Variants in ANKS1B observed in about 807,000 individuals in gnomAD.
ANKS1B encodes the protein ankyrin repeat and sterile alpha motif domain containing 1B, also known as ankyrin repeat and sterile alpha motif domain-containing protein 1B.
In ANKS1B, 36 loss-of-function variants were observed where a neutral mutation model predicts 148.3. The ratio of observed to expected loss-of-function variants is 0.24; its 90% CI spans 0.19 to 0.32. The LOEUF is 0.32. Among genes scored for constraint, ANKS1B ranks in the 10% least tolerant of loss-of-function variants. The pLI, the probability that ANKS1B is intolerant of heterozygous loss-of-function variation, is 1.00. For synonymous variants in ANKS1B, 542 were observed against 560.8 expected (o/e 0.97, Z 0.47); for missense variants, 1,157 against 1,542.6 (o/e 0.75, Z 4.19).
At chr12:99,602,452 T>C (rs1471292953) in intron 9 of ANKS1B, among the ~76,000 whole-genome samples, 1 of 152,096 alleles carries the variant, frequency 6.6e-6, no homozygotes, top group Admixed American at 6.6e-5. Flanking sequence ...AAGGTAATGT[T>C]TGAAGTAATC....
chr12:98,861,051 GAA>G (rs2099596799), intron 17 of ANKS1B, among the ~76,000 whole-genome samples: 1 of 152,126 alleles, frequency 6.6e-6, no homozygotes, highest in African/African-American at 2.4e-5. Context: ...GTGGTAAAAT[GAA>G]AGACTCAAAA....
intron 9 of ANKS1B, among the ~76,000 whole-genome samples, chr12:99,533,699 T>C (rs1234541740): frequency 1.3e-5 from 2 of 152,178 alleles, no homozygotes; most frequent in Non-Finnish European, 2.9e-5. Flanking sequence ...CATTTTGAGG[T>C]ATTTTAGCTA....
chr12:99,140,108 AG>A (rs2070092355), intron 15 of ANKS1B, among the ~76,000 whole-genome samples: 1 of 152,202 alleles, frequency 6.6e-6, no homozygotes, highest in Non-Finnish European at 1.5e-5. Flanking sequence ...TTGGTAGTTA[AG>A]GGAACATTTT....
intron 15 of ANKS1B, among the ~76,000 whole-genome samples, chr12:99,153,291 A>G (rs1232152188): frequency 1.3e-5 from 2 of 152,172 alleles, no homozygotes; most frequent in East Asian, 3.8e-4. Flanking sequence ...TGGTACTAGT[A>G]AGCTGCAGGT....
intron 14 of ANKS1B, among the ~76,000 whole-genome samples, chr12:99,189,644 C>T (rs988789000): frequency 3.9e-5 from 6 of 152,134 alleles, no homozygotes; most frequent in African/African-American, 1.4e-4. Flanking sequence ...AATTCAACAG[C>T]CCTTCATCTA....
chr12:98,879,130 T>C (rs2099699784), intron 17 of ANKS1B, among the ~76,000 whole-genome samples: 1 of 152,216 alleles, frequency 6.6e-6, no homozygotes, highest in African/African-American at 2.4e-5. Context: ...TTTGGAAGCA[T>C]TGTGCTTATG....
intron 2 of ANKS1B, among the ~76,000 whole-genome samples, chr12:99,824,626 G>A (rs992795801): frequency 4.6e-5 from 7 of 151,952 alleles, no homozygotes; most frequent in African/African-American, 1.5e-4. Flanking sequence ...CTGTAGGGGA[G>A]GACAGAACAT....
chr12:98,888,772 C>T lies in ANKS1B; in HGVS notation c.2779-56636G>A, dbSNP rs76204063. 7.5e-3 allele frequency among the ~76,000 whole-genome samples: 1,137 copies of T among 152,332 alleles called. 2 individuals are homozygous for T. Among genetic ancestry groups the T allele is most frequent in the Non-Finnish European group, 0.013 (868 of 68,032 alleles). On this transcript the variant is annotated intron_variant, in intron 17 of 26. Coordinates refer to ENST00000683438, the MANE Select transcript of ANKS1B (RefSeq NM_001352186.2). ...CCCCCAAATTTTCTAATTTCTCCCT[C>T]CATCTCCCTCTCCAGTGCTTCACCC...
At chr12:99,962,748 G>T (rs1455601497) in intron 1 of ANKS1B, among the ~76,000 whole-genome samples, 1 of 151,550 alleles carries the variant, frequency 6.6e-6, no homozygotes, top group Non-Finnish European at 1.5e-5. Flanking sequence ...ATTCTGACTG[G>T]CATGAGATGG....
chr12:99,873,953 T>A (rs1180041500), intron 1 of ANKS1B, among the ~76,000 whole-genome samples: 4 of 151,446 alleles, frequency 2.6e-5, no homozygotes, highest in Non-Finnish European at 5.9e-5. Flanking sequence ...GATTTTGGAC[T>A]TGCCAAATCT....
chr12:99,721,790 C>T (rs1186790759), intron 8 of ANKS1B, among the ~76,000 whole-genome samples: 1 of 152,218 alleles, frequency 6.6e-6, no homozygotes, highest in Admixed American at 6.5e-5. Context: ...ACCTAGGCCT[C>T]ATGTGCCAAA....
chr12:99,433,115 A>G (rs2095406114), intron 11 of ANKS1B, among the ~76,000 whole-genome samples: 1 of 152,226 alleles, frequency 6.6e-6, no homozygotes, highest in South Asian at 2.1e-4. Context: ...CAATAGTGAC[A>G]GATGACAGAT....
intron 16 of ANKS1B, among the ~76,000 whole-genome samples, chr12:99,063,167 C>T (rs749629751): frequency 3.3e-5 from 5 of 152,270 alleles, no homozygotes; most frequent in African/African-American, 2.4e-5. Flanking sequence ...TGCCGTGGAC[C>T]GTGGCTTCTC....
intron 22 of ANKS1B, chr12:98,794,690 T>A: frequency 1.1e-6 from 1 of 937,420 alleles, no homozygotes; most frequent in Non-Finnish European, 1.8e-6. Context: ...GGATAATTCA[T>A]TTGAATTTGA....
chr12:99,333,791 C>T (rs2088071936), intron 12 of ANKS1B, among the ~76,000 whole-genome samples: 1 of 149,712 alleles, frequency 6.7e-6, no homozygotes, highest in South Asian at 2.1e-4. Flanking sequence ...ATTTTTTTCA[C>T]TTAGAAGCAC....
intron 1 of ANKS1B, among the ~76,000 whole-genome samples, chr12:99,907,254 C>T (rs2093817271): frequency 6.6e-6 from 1 of 152,102 alleles, no homozygotes; most frequent in African/African-American, 2.4e-5. Flanking sequence ...TTCCCCCAGG[C>T]ATAAAATTTT....
chr12:99,531,222 A>G (rs187482938), intron 9 of ANKS1B, among the ~76,000 whole-genome samples: 1 of 152,298 alleles, frequency 6.6e-6, no homozygotes, highest in East Asian at 1.9e-4. Context: ...GCTTTTCAGG[A>G]CTGCATTTAT....
Position 99,655,160 on chromosome 12 carries a change from A to C in ANKS1B, c.1179T>G (p.Asp393Glu), listed in dbSNP as rs886347165. 4 of 1,612,516 alleles carry C rather than the reference A, an allele frequency of 2.5e-6. No individual in the cohort carries two copies. The African/African-American group carries it at 5.3e-5, about 22-fold the overall frequency. Residue 393 changes from aspartate (D) to glutamate (E), a missense_variant, in exon 9 of 27, where the codon GAT becomes GAG. By Grantham distance (45) the Asp-to-Glu change is conservative. Around this residue, in one of 6 missense-constraint regions of ANKS1B, gnomAD observed 661 missense variants for 642.1 expected, o/e 1.03. Coordinates refer to ENST00000683438, the MANE Select transcript of ANKS1B (RefSeq NM_001352186.2). ...ATGGCCCACACGTATTTTCATCATC[A>C]TCCTCTTCTTCCACTTCTCCTGGTG... ...NLSPGEVEEE[D>E]DDENTCGPSG...
intron 17 of ANKS1B, among the ~76,000 whole-genome samples, chr12:99,012,397 G>A (rs749805934): frequency 7.9e-5 from 12 of 152,238 alleles, no homozygotes; most frequent in African/African-American, 2.4e-4. Context: ...TTTTAAATCT[G>A]TGTGATGCTA....
Sources: gnomAD v4.1 joint callset for allele counts (sites outside exome capture counted in the v4.1 genomes callset) on GRCh38, gnomAD v4.1.1 for gene constraint, gnomAD v4.1.1 regional missense constraint, MANE v1.5 for transcripts, NCBI Gene and HGNC (gene_info 2026-07-23, HGNC 2026-07-21) for gene names.